The following ASIC2 variants were observed in gnomAD, a reference collection of about 807,000 sequenced individuals.
ASIC2 encodes acid sensing ion channel subunit 2.
Under a neutral mutation model 57.3 loss-of-function variants are expected in ASIC2, and 25 were observed. That is an observed-to-expected ratio of 0.44 (90% confidence interval 0.32 to 0.61). The LOEUF (loss-of-function observed/expected upper bound fraction) is 0.61. Ranked by LOEUF, ASIC2 falls within the 20% of genes least tolerant of loss-of-function variation. ASIC2 has a pLI of 0.06. For synonymous variants in ASIC2, 319 were observed against 307.5 expected, an observed-to-expected ratio of 1.04 and a Z score of -0.39; for missense variants, 641 against 738.1, an observed-to-expected ratio of 0.87 and a Z score of 1.52.
At chr17:33,585,573 C>G (rs778437910) in intron 1 of ASIC2, among the ~76,000 whole-genome samples, 1 of 152,118 alleles carries the variant, frequency 6.6e-6, no homozygotes, top group Admixed American at 6.5e-5. Context: ...GAGTGAGGCA[C>G]CTGCACTGGG....
intron 1 of ASIC2, among the ~76,000 whole-genome samples, chr17:34,151,019 C>T (rs1904494695): frequency 6.7e-6 from 1 of 149,000 alleles, no homozygotes; most frequent in South Asian, 2.1e-4. Context: ...AGGAGAATCG[C>T]TTGAACCTGA....
intron 2 of ASIC2, among the ~76,000 whole-genome samples, chr17:33,104,884 G>C (rs538426250): frequency 6.6e-6 from 1 of 152,228 alleles, no homozygotes; most frequent in Admixed American, 6.5e-5. Flanking sequence ...ACCTCTCTGG[G>C]CTCTGTGTCC....
At chr17:33,054,146 T>C (rs1472400761) in intron 3 of ASIC2, among the ~76,000 whole-genome samples, 2 of 152,102 alleles carry the variant, frequency 1.3e-5, no homozygotes, top group African/African-American at 2.4e-5. Flanking sequence ...TTCCCTCTGC[T>C]TTTGGATCTT....
intron 1 of ASIC2, among the ~76,000 whole-genome samples, chr17:33,230,518 T>G (rs1264469526): frequency 1.8e-4 from 27 of 152,182 alleles, no homozygotes. Context: ...AGCAGGGTTG[T>G]GGACTGAGGG....
intron 1 of ASIC2, among the ~76,000 whole-genome samples, chr17:33,270,527 A>C (rs920852518): frequency 6.6e-6 from 1 of 152,174 alleles, no homozygotes; most frequent in Non-Finnish European, 1.5e-5. Context: ...AATGCATGTG[A>C]GCTGTTCTGG....
At chr17:33,058,356 T>A (rs1346571424) in intron 3 of ASIC2, among the ~76,000 whole-genome samples, 1 of 151,760 alleles carries the variant, frequency 6.6e-6, no homozygotes, top group Non-Finnish European at 1.5e-5. Context: ...TAAGAGTAGA[T>A]TTCCACGGAT....
intron 1 of ASIC2, among the ~76,000 whole-genome samples, chr17:33,806,430 G>A (rs984455421): frequency 6.6e-6 from 1 of 152,202 alleles, no homozygotes; most frequent in Non-Finnish European, 1.5e-5. Flanking sequence ...GCAAAGATAA[G>A]CAGCAGGCTG....
intron 1 of ASIC2, among the ~76,000 whole-genome samples, chr17:33,831,584 A>G (rs7207849): frequency 0.19 from 11,203 of 60,074 alleles, 1,230 homozygotes; most frequent in African/African-American, 0.38. Context: ...GATCTGAAGT[A>G]AAAAAAAAAA....
At chr17:33,195,875 T>A (rs1212866453) in intron 1 of ASIC2, among the ~76,000 whole-genome samples, 1 of 152,164 alleles carries the variant, frequency 6.6e-6, no homozygotes, top group Non-Finnish European at 1.5e-5. Flanking sequence ...TGCTTACCTG[T>A]TGGGTGAGTC....
intron 1 of ASIC2, among the ~76,000 whole-genome samples, chr17:34,060,912 T>C (rs1425192575): frequency 4.6e-5 from 7 of 152,106 alleles, no homozygotes; most frequent in Admixed American, 4.6e-4. Flanking sequence ...TCTAAAAGAC[T>C]GGAAATATAT....
At chr17:33,303,549 A>C (rs1906046885) in intron 1 of ASIC2, among the ~76,000 whole-genome samples, 1 of 152,168 alleles carries the variant, frequency 6.6e-6, no homozygotes, top group Non-Finnish European at 1.5e-5. Flanking sequence ...CAAAGTAGGA[A>C]CACATCTTTA....
At chr17:34,058,393 A>C (rs2142058861) in intron 1 of ASIC2, among the ~76,000 whole-genome samples, 1 of 152,326 alleles carries the variant, frequency 6.6e-6, no homozygotes, top group East Asian at 1.9e-4. Context: ...AGCCTGGAGG[A>C]ACAGCCCTTG....
At chr17:33,045,439 CAG>C (rs986448957) in intron 3 of ASIC2, among the ~76,000 whole-genome samples, 1 of 152,146 alleles carries the variant, frequency 6.6e-6, no homozygotes, top group Non-Finnish European at 1.5e-5. Context: ...TTGATTGAAA[CAG>C]GGGGAGGAGA....
intron 1 of ASIC2, among the ~76,000 whole-genome samples, chr17:33,371,718 G>A (rs1023245187): frequency 6.6e-6 from 1 of 152,096 alleles, no homozygotes; most frequent in Non-Finnish European, 1.5e-5. Flanking sequence ...AACAGGGAGA[G>A]GGTGAAAATA....
At chr17:33,512,991 T>C (rs930310241) in intron 1 of ASIC2, among the ~76,000 whole-genome samples, 2 of 152,228 alleles carry the variant, frequency 1.3e-5, no homozygotes, top group African/African-American at 4.8e-5. Flanking sequence ...TCCTGGACCA[T>C]GTATCCTGTT....
At chr17:33,649,421 T>C (rs765079499) in intron 1 of ASIC2, among the ~76,000 whole-genome samples, 4 of 152,228 alleles carry the variant, frequency 2.6e-5, no homozygotes, top group African/African-American at 9.6e-5. Flanking sequence ...AGACATACCA[T>C]GTTCACGGAT....
At chr17:33,960,593 A>G (rs1904889276) in intron 1 of ASIC2, among the ~76,000 whole-genome samples, 1 of 152,096 alleles carries the variant, frequency 6.6e-6, no homozygotes, top group Non-Finnish European at 1.5e-5. Flanking sequence ...AATGATCAGG[A>G]CCTTGCTGAT....
At chr17:33,301,654 AG>A in intron 1 of ASIC2, among the ~76,000 whole-genome samples, 2 of 152,320 alleles carry the variant, frequency 1.3e-5, no homozygotes, top group East Asian at 3.9e-4. Flanking sequence ...GACATGAGAA[AG>A]AAAATATTAA....
intron 1 of ASIC2, among the ~76,000 whole-genome samples, chr17:33,176,056 G>C (rs868419204): frequency 6.6e-6 from 1 of 152,142 alleles, no homozygotes; most frequent in Non-Finnish European, 1.5e-5. Flanking sequence ...CTCTGCACAG[G>C]CTGTTTCCCC....
Sources: allele counts gnomAD v4.1 joint callset (sites outside exome capture counted in the v4.1 genomes callset), GRCh38; gene constraint gnomAD v4.1.1; transcripts MANE v1.5; gene names NCBI Gene and HGNC (gene_info 2026-07-23, HGNC 2026-07-21).